UVRAG: variants seen among roughly 807,000 people sequenced by gnomAD.
The protein encoded by UVRAG is UV radiation resistance associated, also known as UV radiation resistance-associated gene protein.
UVRAG carries 19 observed loss-of-function variants against 78.0 expected under a neutral mutation model. The observed-to-expected ratio is 0.24, with a 90% CI of 0.17 to 0.36. The LOEUF (loss-of-function observed/expected upper bound fraction) is 0.36, where lower values mean the gene tolerates loss of function less well. Ranked by LOEUF, UVRAG falls within the 10% of genes least tolerant of loss-of-function variation. The pLI is 1.00. For missense variants in UVRAG, 740 were observed against 853.8 expected (o/e 0.87, Z 1.66); for synonymous variants, 323 against 324.6 (o/e 1.00, Z 0.05).
At chr11:76,051,921 G>A (rs1023158585) in intron 12 of UVRAG, among the ~76,000 whole-genome samples, 4 of 152,034 alleles carry the variant, frequency 2.6e-5, no homozygotes, top group African/African-American at 9.7e-5. Flanking sequence ...GTGTGTAGAG[G>A]GCCCTACCTA....
chr11:75,989,297 C>T (rs1034754200), intron 8 of UVRAG, among the ~76,000 whole-genome samples: 4 of 152,070 alleles, frequency 2.6e-5, no homozygotes, highest in South Asian at 2.1e-4. Context: ...CCAAGTGATC[C>T]GCCTACCTCC....
intron 3 of UVRAG, among the ~76,000 whole-genome samples, chr11:75,872,526 T>C (rs1333904816): frequency 6.6e-6 from 1 of 151,838 alleles, no homozygotes; most frequent in Non-Finnish European, 1.5e-5. Flanking sequence ...GTAGCTGAGA[T>C]ACAGGCGCGC....
At chr11:75,925,777 A>G (rs918256376) in intron 6 of UVRAG, among the ~76,000 whole-genome samples, 3 of 152,228 alleles carry the variant, frequency 2.0e-5, no homozygotes, top group African/African-American at 7.2e-5. Context: ...GTTAAATGCT[A>G]AAAGTTAGCA....
rs566306391 is a variant in UVRAG at position 75,937,378 on chromosome 11, C to T, written c.594-24066C>T. Reference sequence around the variant, plus strand: ...TGGTGCTCTTCATTTCATTTATTTTCGTCTGGTATCATTTTCCTTATGTCT... The same window carrying T: ...TGGTGCTCTTCATTTCATTTATTTTTGTCTGGTATCATTTTCCTTATGTCT... On this transcript the variant is annotated intron_variant, in intron 6 of 14. Transcript: ENST00000356136. Among the ~76,000 whole-genome samples the T allele has an allele frequency of 9.2e-5, 14 of 152,250 alleles. No individual in the cohort carries two copies. The South Asian group carries it at 2.1e-3, about 23-fold the overall frequency.
chr11:75,834,255 T>TAAA (rs908764300), intron 1 of UVRAG, among the ~76,000 whole-genome samples: 3 of 148,642 alleles, frequency 2.0e-5, no homozygotes, highest in Admixed American at 6.7e-5. Flanking sequence ...CCTGCTCCCT[T>TAAA]AAAAAAAAAA....
chr11:75,925,096 A>G (rs1381327447), intron 6 of UVRAG, among the ~76,000 whole-genome samples: 1 of 152,146 alleles, frequency 6.6e-6, no homozygotes, highest in Non-Finnish European at 1.5e-5. Context: ...CTGGACTAAG[A>G]CTGCTTTGTT....
At chr11:75,839,194 T>C (rs917800113) in intron 1 of UVRAG, among the ~76,000 whole-genome samples, 3 of 152,184 alleles carry the variant, frequency 2.0e-5, no homozygotes, top group Non-Finnish European at 4.4e-5. Context: ...TGTTGGACTT[T>C]TGATTTCTAG....
At chr11:76,029,684 G>C (rs1464341207) in intron 12 of UVRAG, among the ~76,000 whole-genome samples, 1 of 152,178 alleles carries the variant, frequency 6.6e-6, no homozygotes, top group Non-Finnish European at 1.5e-5. Flanking sequence ...CCTAATTCTA[G>C]TGAAGATGAT....
chr11:75,843,085 G>A (rs1049781865), intron 1 of UVRAG, among the ~76,000 whole-genome samples: 1 of 152,136 alleles, frequency 6.6e-6, no homozygotes, highest in Non-Finnish European at 1.5e-5. Context: ...AAGATTAAGG[G>A]CACATCAGTT....
chr11:76,075,685 A>G (rs1228528519), intron 13 of UVRAG, among the ~76,000 whole-genome samples: 1 of 152,114 alleles, frequency 6.6e-6, no homozygotes, highest in Non-Finnish European at 1.5e-5. Flanking sequence ...ACCACGGTCA[A>G]TTATAGAACA....
chr11:76,106,530 T>C (rs1951973957), intron 13 of UVRAG, among the ~76,000 whole-genome samples: 1 of 152,080 alleles, frequency 6.6e-6, no homozygotes, highest in Non-Finnish European at 1.5e-5. Flanking sequence ...CATGCCCGGC[T>C]AATTTTTTTG....
chr11:75,939,346 T>C (rs1239981947), intron 6 of UVRAG, among the ~76,000 whole-genome samples: 1 of 152,162 alleles, frequency 6.6e-6, no homozygotes, highest in Non-Finnish European at 1.5e-5. Context: ...AAGCTGACTA[T>C]GGGCCAGGCA....
At chr11:75,920,227 A>G (rs1947951772) in intron 6 of UVRAG, among the ~76,000 whole-genome samples, 1 of 151,038 alleles carries the variant, frequency 6.6e-6, no homozygotes, top group African/African-American at 2.4e-5. Flanking sequence ...GGGTTTCACC[A>G]TGTTAGCCAG....
intron 13 of UVRAG, among the ~76,000 whole-genome samples, chr11:76,098,056 GTTTGTTTT>G (rs1951817909): frequency 6.6e-6 from 1 of 150,380 alleles, no homozygotes; most frequent in Non-Finnish European, 1.5e-5. Context: ...TTGTTTGTTT[GTTTGTTTT>G]TTTGTTTTTT....
intron 8 of UVRAG, among the ~76,000 whole-genome samples, chr11:76,002,339 G>A (rs1049361376): frequency 2.6e-5 from 4 of 152,118 alleles, no homozygotes; most frequent in African/African-American, 4.8e-5. Context: ...CATTTTGTTA[G>A]CTGATTGGGA....
rs1456219149 is a variant in UVRAG, at chr11:75,910,775, G to A, written c.508-1179G>A. Among the ~76,000 whole-genome samples the A allele has an allele frequency of 3.3e-5, 5 of 152,116 alleles. No individual in the cohort carries two copies. The East Asian group carries it at 7.7e-4, about 24-fold the overall frequency. Reference sequence around the variant, plus strand: ...CTTAAATGACAGAGATACCTATTCTGTTCTTCTTCTGGAATTGTCCTGTAT... The same window carrying A: ...CTTAAATGACAGAGATACCTATTCTATTCTTCTTCTGGAATTGTCCTGTAT... On this transcript the variant is annotated intron_variant, in intron 5 of 14. Coordinates refer to ENST00000356136, the MANE Select transcript of UVRAG (RefSeq NM_003369.4).
At chr11:76,008,233 A>G (rs1455067844) in intron 10 of UVRAG, among the ~76,000 whole-genome samples, 1 of 152,034 alleles carries the variant, frequency 6.6e-6, no homozygotes, top group African/African-American at 2.4e-5. Flanking sequence ...TCTGACATAC[A>G]CATGCAAATA....
At chr11:76,098,386 C>CG (rs1472833469) in intron 13 of UVRAG, among the ~76,000 whole-genome samples, 2 of 152,094 alleles carry the variant, frequency 1.3e-5, no homozygotes, top group Non-Finnish European at 2.9e-5. Context: ...GAGGCTCAGG[C>CG]GGGGGTAAGA....
At chr11:76,024,390 C>T (rs1429718856) in intron 12 of UVRAG, among the ~76,000 whole-genome samples, 1 of 151,864 alleles carries the variant, frequency 6.6e-6, no homozygotes, top group Non-Finnish European at 1.5e-5. Flanking sequence ...CCCTTTTTTC[C>T]TTGGCAGCCA....
Sources: gnomAD v4.1 joint callset for allele counts (sites outside exome capture counted in the v4.1 genomes callset) on GRCh38, gnomAD v4.1.1 for gene constraint, MANE v1.5 for transcripts, NCBI Gene and HGNC (gene_info 2026-07-23, HGNC 2026-07-21) for gene names.